The following CNTNAP2 variants were observed in gnomAD, a reference collection of about 807,000 sequenced individuals.
CNTNAP2 encodes the protein contactin-associated protein-like 2.
In CNTNAP2, 98 loss-of-function variants were observed where a neutral mutation model predicts 155.2. The ratio of observed to expected loss-of-function variants is 0.63; its 90% CI spans 0.54 to 0.75. The LOEUF (loss-of-function observed/expected upper bound fraction) is 0.75, where lower values mean the gene tolerates loss of function less well. Ranked by LOEUF, CNTNAP2 falls within the 30% of genes least tolerant of loss-of-function variation. The probability of loss-of-function intolerance (pLI) is 0.00; values close to 1 mark genes in which losing one functional copy is unlikely to be tolerated. For synonymous variants in CNTNAP2, 651 were observed against 631.2 expected, an observed-to-expected ratio of 1.03 and a Z score of -0.47; for missense variants, 1,727 against 1,688.1, an observed-to-expected ratio of 1.02 and a Z score of -0.40.
In CNTNAP2 at chr7:147,001,226, C is replaced by G. The variant is rs538266242; in HGVS notation, c.403-42681C>G. 5.3e-5 allele frequency among the ~76,000 whole-genome samples: 8 copies of G among 152,048 alleles called. No individual in the cohort carries two copies. In the East Asian group the frequency reaches 1.6e-3, roughly 30 times the overall value. On this transcript the variant is annotated intron_variant, in intron 3 of 23. Transcript: ENST00000361727. ...CATCTTTTACTTGGTTTTCGTAGCT[C>G]TTGTGAGATATTTTTACCTATGGAT...
intron 13 of CNTNAP2, among the ~76,000 whole-genome samples, chr7:147,743,266 G>T (rs546116043): frequency 6.6e-6 from 1 of 152,090 alleles, no homozygotes; most frequent in African/African-American, 2.4e-5. Context: ...ACCTGTATCC[G>T]AAATCTCCCA....
intron 4 of CNTNAP2, among the ~76,000 whole-genome samples, chr7:147,069,125 G>A (rs147720642): frequency 3.8e-4 from 58 of 152,198 alleles, no homozygotes; most frequent in Admixed American, 7.2e-4. Context: ...CTCATCACCC[G>A]GGGAAGGGCA....
chr7:146,117,090 C>T (rs1797495195), intron 1 of CNTNAP2, 117 bp downstream of exon 1: 2 of 863,060 alleles, frequency 2.3e-6, no homozygotes, highest in East Asian at 2.7e-5. Context: ...GTGTTTGTGT[C>T]TCCGCTGTCA....
At chr7:146,848,559 G>C (rs7781516) in intron 3 of CNTNAP2, among the ~76,000 whole-genome samples, 36,977 of 151,986 alleles carry the variant, frequency 0.24, 4,627 homozygotes, top group Non-Finnish European at 0.28. Flanking sequence ...CTAGGAAAGT[G>C]GTCTTATTCA....
intron 1 of CNTNAP2, among the ~76,000 whole-genome samples, chr7:146,336,749 C>CA (rs1801283142): frequency 6.6e-6 from 1 of 152,112 alleles, no homozygotes; most frequent in Non-Finnish European, 1.5e-5. Flanking sequence ...TACTGCTCAG[C>CA]AAAAACAAAA....
chr7:148,387,608 A>G (rs975772834), intron 22 of CNTNAP2, among the ~76,000 whole-genome samples: 10 of 152,122 alleles, frequency 6.6e-5, no homozygotes, highest in Admixed American at 2.0e-4. Flanking sequence ...GCCCCTCCCC[A>G]TACTGACTAA....
chr7:146,244,748 G>A (rs1364247006), intron 1 of CNTNAP2, among the ~76,000 whole-genome samples: 1 of 152,126 alleles, frequency 6.6e-6, no homozygotes, highest in African/African-American at 2.4e-5. Context: ...AGGCTAAACT[G>A]AGGAGTTATG....
intron 1 of CNTNAP2, among the ~76,000 whole-genome samples, chr7:146,721,889 A>ATATTTTTTTTTTTTTTTTT: frequency 2.9e-5 from 2 of 69,738 alleles, no homozygotes; most frequent in African/African-American, 3.8e-4. Context: ...ATATATATAT[A>ATATTTTTTTTTTTTTTTTT]TTTTTTTTTT....
chr7:147,681,077 T>C (rs1795941865), intron 13 of CNTNAP2, among the ~76,000 whole-genome samples: 1 of 152,042 alleles, frequency 6.6e-6, no homozygotes, highest in South Asian at 2.1e-4. Context: ...CAGGTTTTCA[T>C]AGTCGTAACC....
intron 8 of CNTNAP2, among the ~76,000 whole-genome samples, chr7:147,141,627 T>C (rs1316427958): frequency 6.6e-6 from 1 of 152,072 alleles, no homozygotes; most frequent in Non-Finnish European, 1.5e-5. Flanking sequence ...GCTTTAAAAA[T>C]TGCCCAGAGC....
intron 1 of CNTNAP2, among the ~76,000 whole-genome samples, chr7:146,680,434 G>A (rs993245940): frequency 2.0e-5 from 3 of 152,100 alleles, no homozygotes; most frequent in African/African-American, 7.2e-5. Flanking sequence ...AGGGAGTGTT[G>A]TATTATAGTA....
At chr7:147,288,279 T>C (rs12703895) in intron 8 of CNTNAP2, among the ~76,000 whole-genome samples, 71,635 of 152,064 alleles carry the variant, frequency 0.47, 17,508 homozygotes, top group East Asian at 0.76. Flanking sequence ...TGTCTGTCTT[T>C]GCACACAAGA....
intron 14 of CNTNAP2, among the ~76,000 whole-genome samples, chr7:147,930,532 T>C (rs187544474): frequency 5.5e-4 from 84 of 152,328 alleles, no homozygotes; most frequent in African/African-American, 1.9e-3. Flanking sequence ...TTCACCAAGA[T>C]GTAACAATTT....
At chr7:146,217,518 A>G (rs1168651883) in intron 1 of CNTNAP2, among the ~76,000 whole-genome samples, 1 of 152,182 alleles carries the variant, frequency 6.6e-6, no homozygotes, top group African/African-American at 2.4e-5. Context: ...CACACGTATT[A>G]ATACTTAGAA....
chr7:147,854,116 G>C (rs1005650833), intron 13 of CNTNAP2, among the ~76,000 whole-genome samples: 3 of 151,972 alleles, frequency 2.0e-5, no homozygotes, highest in African/African-American at 7.3e-5. Flanking sequence ...ACATCAATTC[G>C]GCCATTATAC....
chr7:147,448,908 T>C (rs1434691802), intron 10 of CNTNAP2, among the ~76,000 whole-genome samples: 1 of 152,156 alleles, frequency 6.6e-6, no homozygotes, highest in African/African-American at 2.4e-5. Context: ...GTATAATTTT[T>C]ATATACATAA....
intron 1 of CNTNAP2, among the ~76,000 whole-genome samples, chr7:146,593,327 GTTCATGTTGAACCAGCCC>G (rs1271924516): frequency 1.3e-5 from 2 of 151,994 alleles, no homozygotes; most frequent in Admixed American, 1.3e-4. Context: ...TGCATATATG[GTTCATGTTGAACCAGCCC>G]TTCATGTTCC....
intron 15 of CNTNAP2, among the ~76,000 whole-genome samples, chr7:148,112,818 G>C (rs1344841117): frequency 6.6e-6 from 1 of 151,150 alleles, no homozygotes; most frequent in Non-Finnish European, 1.5e-5. Flanking sequence ...AATCAGTAGA[G>C]AATATCTAAA....
chr7:147,401,511 A>G (rs879298301), intron 10 of CNTNAP2, among the ~76,000 whole-genome samples: 22 of 152,230 alleles, frequency 1.4e-4, no homozygotes, highest in Non-Finnish European at 3.2e-4. Flanking sequence ...AGGATTAGGT[A>G]GATACATGAA....
Sources: gnomAD v4.1 joint callset for allele counts (sites outside exome capture counted in the v4.1 genomes callset) on GRCh38, gnomAD v4.1.1 for gene constraint, MANE v1.5 for transcripts, NCBI Gene and HGNC (gene_info 2026-07-23, HGNC 2026-07-21) for gene names.